Variants in ERBB4 observed in about 807,000 individuals in gnomAD.
ERBB4 encodes erb-b2 receptor tyrosine kinase 4.
Under a neutral mutation model 158.0 loss-of-function variants are expected in ERBB4, and 42 were observed. The observed-to-expected ratio is 0.27, with a 90% CI of 0.21 to 0.34. The LOEUF (loss-of-function observed/expected upper bound fraction) is 0.34. ERBB4 is among the 10% of genes least tolerant of loss of function. The pLI, the probability that ERBB4 is intolerant of heterozygous loss-of-function variation, is 1.00. For missense variants in ERBB4, 1,333 were observed against 1,624.1 expected (o/e 0.82, Z 3.08); for synonymous variants, 583 against 558.7 (o/e 1.04, Z -0.61).
chr2:211,765,811 A>G (rs2075538339), intron 4 of ERBB4, among the ~76,000 whole-genome samples: 1 of 152,226 alleles, frequency 6.6e-6, no homozygotes, highest in Non-Finnish European at 1.5e-5. Context: ...TTTTTGTAGT[A>G]AAGCCAATTT....
At chr2:211,990,722 T>C (rs930435432) in intron 2 of ERBB4, among the ~76,000 whole-genome samples, 4 of 151,778 alleles carry the variant, frequency 2.6e-5, no homozygotes, top group Non-Finnish European at 4.4e-5. Flanking sequence ...GCCTGGAACA[T>C]GCAAATGGTA....
chr2:212,114,236 G>A (rs775178977), intron 2 of ERBB4, among the ~76,000 whole-genome samples: 49 of 152,168 alleles, frequency 3.2e-4, no homozygotes, highest in Non-Finnish European at 5.4e-4. Context: ...TAGGTAGTTA[G>A]TAAAATATCT....
chr2:212,387,888 T>A (rs1016776257), intron 1 of ERBB4, among the ~76,000 whole-genome samples: 14 of 152,158 alleles, frequency 9.2e-5, no homozygotes, highest in African/African-American at 2.4e-4. Context: ...GATGGCTGCA[T>A]ACATACTATA....
intron 1 of ERBB4, among the ~76,000 whole-genome samples, chr2:212,183,450 A>G (rs1445718317): frequency 3.3e-5 from 5 of 152,028 alleles, no homozygotes; most frequent in African/African-American, 1.2e-4. Flanking sequence ...GGAACTGCAT[A>G]TAACTAGTAA....
chr2:211,932,590 T>G (rs2080207723), intron 3 of ERBB4, among the ~76,000 whole-genome samples: 1 of 151,936 alleles, frequency 6.6e-6, no homozygotes, highest in Non-Finnish European at 1.5e-5. Flanking sequence ...TGTCCATCAT[T>G]CTATGTTTAT....
chr2:212,032,291 C>T (rs2076921419), intron 2 of ERBB4, among the ~76,000 whole-genome samples: 1 of 151,950 alleles, frequency 6.6e-6, no homozygotes, highest in Non-Finnish European at 1.5e-5. Context: ...AGTGCAAAAC[C>T]TAGAAATACT....
intron 16 of ERBB4, among the ~76,000 whole-genome samples, chr2:211,656,541 G>C (rs925445214): frequency 6.6e-6 from 1 of 152,142 alleles, no homozygotes; most frequent in Non-Finnish European, 1.5e-5. Context: ...TATAATTTTT[G>C]ATAAGCACAT....
At chr2:211,966,563 T>C (rs1410545872) in intron 2 of ERBB4, among the ~76,000 whole-genome samples, 1 of 152,158 alleles carries the variant, frequency 6.6e-6, no homozygotes, top group Non-Finnish European at 1.5e-5. Flanking sequence ...AACCCTAAAA[T>C]GAAAAAGATT....
At position 212,008,509 on chromosome 2, in the gene ERBB4, T is replaced by G. The variant is rs1238799935; in HGVS notation, c.235-60893A>C. On this transcript the variant is annotated intron_variant, in intron 2 of 27. Coordinates refer to ENST00000342788, the MANE Select transcript of ERBB4 (RefSeq NM_005235.3). ...AATGCACATTTGTTGAATAAATGAA[T>G]GAACAAATACAAAAATTTTGAAAGC... Among the ~76,000 whole-genome samples, 4 of 152,086 alleles carry G rather than the reference T, an allele frequency of 2.6e-5. No homozygotes were observed. In the East Asian group the frequency reaches 7.7e-4, roughly 29 times the overall value.
At chr2:212,335,875 C>T (rs575006780) in intron 1 of ERBB4, among the ~76,000 whole-genome samples, 16 of 152,020 alleles carry the variant, frequency 1.1e-4, no homozygotes, top group African/African-American at 3.4e-4. Flanking sequence ...AAAAGAAGTT[C>T]CACTGTTAAT....
intron 12 of ERBB4, among the ~76,000 whole-genome samples, chr2:211,698,145 C>T (rs2106020045): frequency 6.6e-6 from 1 of 151,908 alleles, no homozygotes; most frequent in Non-Finnish European, 1.5e-5. Context: ...GGAGAAACCC[C>T]GTCTCTACTA....
chr2:212,535,974 G>A (rs1436971852), intron 1 of ERBB4, among the ~76,000 whole-genome samples: 3 of 152,118 alleles, frequency 2.0e-5, no homozygotes, highest in Non-Finnish European at 4.4e-5. Flanking sequence ...AACTCCAAGC[G>A]TGTCTAATAA....
chr2:211,836,901 G>T (rs2077355937), intron 3 of ERBB4, among the ~76,000 whole-genome samples: 1 of 151,810 alleles, frequency 6.6e-6, no homozygotes, highest in South Asian at 2.1e-4. Flanking sequence ...ACATACAAAG[G>T]CACAATGGGA....
chr2:211,815,208 TTATTA>T (rs1270822460), intron 3 of ERBB4, among the ~76,000 whole-genome samples: 3 of 152,216 alleles, frequency 2.0e-5, no homozygotes, highest in Admixed American at 6.5e-5. Context: ...ACTCATAGGG[TTATTA>T]TGACAATCTA....
chr2:212,151,413 T>A (rs1406654523), intron 1 of ERBB4, among the ~76,000 whole-genome samples: 1 of 151,638 alleles, frequency 6.6e-6, no homozygotes, highest in Non-Finnish European at 1.5e-5. Context: ...AAACCATCAA[T>A]GTTACTGTAT....
At chr2:211,452,851 G>C (rs948803192) in intron 20 of ERBB4, among the ~76,000 whole-genome samples, 1 of 152,014 alleles carries the variant, frequency 6.6e-6, no homozygotes, top group African/African-American at 2.4e-5. Context: ...GTTTATTATT[G>C]AATATCAAAC....
intron 1 of ERBB4, among the ~76,000 whole-genome samples, chr2:212,404,975 CATG>C (rs1159328051): frequency 3.9e-5 from 6 of 152,064 alleles, no homozygotes; most frequent in Non-Finnish European, 7.4e-5. Context: ...CCACAAAATA[CATG>C]ATCTCATTCT....
At chr2:212,288,266 A>T (rs986575520) in intron 1 of ERBB4, among the ~76,000 whole-genome samples, 1 of 152,126 alleles carries the variant, frequency 6.6e-6, no homozygotes, top group Non-Finnish European at 1.5e-5. Context: ...AGTGTCCACA[A>T]TGCTAATACC....
chr2:211,862,127 T>C (rs2078071904), intron 3 of ERBB4, among the ~76,000 whole-genome samples: 1 of 152,188 alleles, frequency 6.6e-6, no homozygotes, highest in Non-Finnish European at 1.5e-5. Flanking sequence ...CTCTTAAAAA[T>C]CTCATTCAAG....
Sources: gnomAD v4.1 joint callset for allele counts (sites outside exome capture counted in the v4.1 genomes callset) on GRCh38, gnomAD v4.1.1 for gene constraint, MANE v1.5 for transcripts, NCBI Gene and HGNC (gene_info 2026-07-23, HGNC 2026-07-21) for gene names.